The following NUBP1 variants were observed in gnomAD, a reference collection of about 807,000 sequenced individuals.
NUBP1 encodes the protein cytosolic Fe-S cluster assembly factor NUBP1.
A neutral mutation model predicts 41.8 loss-of-function variants in NUBP1; 46 were observed. That is an observed-to-expected ratio of 1.10 (90% confidence interval 0.87 to 1.41). The LOEUF is 1.41. NUBP1 is among the 40% of genes most tolerant of loss of function. The pLI is 0.00. For missense variants in NUBP1, 494 were observed against 414.0 expected (o/e 1.19, Z -1.68); for synonymous variants, 189 against 154.6 (o/e 1.22, Z -1.65).
At position 10,749,088 on chromosome 16, in the gene NUBP1, TA is replaced by T. The variant is rs1186301797; in HGVS notation, c.258+1824del. 2.3e-3 allele frequency among the ~76,000 whole-genome samples: 301 copies of T among 132,848 alleles called. No individual in the cohort carries two copies. Among genetic ancestry groups the T allele is most frequent in the Admixed American group, 2.6e-3 (34 of 13,216 alleles). 87.2% of individuals were successfully genotyped at this position (132,848 alleles called of 152,430 possible). A position where few individuals can be genotyped will look rare whatever the true frequency, so the allele number is the denominator to read the frequency against. On this transcript the variant is annotated intron_variant, in intron 3 of 10. Transcript: ENST00000283027. This position sits in a 1 kb window ranked among gnomAD's most constrained non-coding sequence, Gnocchi z 4.1. Reference sequence around the variant, plus strand: ...CCTGGGTGACAGACAAGACTCCATTTAAAAAAAAAAAAGGATATAGATAGAT... The same window carrying T: ...CCTGGGTGACAGACAAGACTCCATTTAAAAAAAAAAAGGATATAGATAGAT...
intron 2 of NUBP1, 61 bp downstream of exon 2, chr16:10,744,126 G>A (rs1596447134): frequency 7.7e-7 from 1 of 1,298,178 alleles, no homozygotes; most frequent in South Asian, 1.4e-5. Flanking sequence ...AAGGCGGGGC[G>A]TGGGAGGGAG....
At chr16:10,744,556 TG>T (rs1176237097) in intron 2 of NUBP1, among the ~76,000 whole-genome samples, 1 of 152,090 alleles carries the variant, frequency 6.6e-6, no homozygotes, top group Non-Finnish European at 1.5e-5. Flanking sequence ...GGTGCTGTCC[TG>T]GGGACACAGC....
In NUBP1 at chr16:10,767,416, C is replaced by G. The variant is rs1252558664; in HGVS notation, c.821-533C>G. ...ATAAAATTATACACAGACAAAGCAG[C>G]AGGCAGAATGTGTGTGTCATGTGCT... On this transcript the variant is annotated intron_variant, in intron 9 of 10. Coordinates refer to ENST00000283027, the MANE Select transcript of NUBP1 (RefSeq NM_002484.4). The surrounding 1 kb of genome is among the most constrained non-coding windows in gnomAD (Gnocchi z 4.6). 2.5e-6 allele frequency: 1 copy of G among 399,912 alleles called. No individual in the cohort carries two copies. The highest frequency in any genetic ancestry group is 4.4e-5 in the Admixed American group (1 of 22,964). The allele number at this position is 399,912 out of a possible 1,614,324, so 24.8% of individuals were successfully genotyped here.
At chr16:10,753,290 C>A (rs935608283) in intron 4 of NUBP1, among the ~76,000 whole-genome samples, 5 of 152,150 alleles carry the variant, frequency 3.3e-5, no homozygotes, top group Admixed American at 3.3e-4. Context: ...AAGTAAGACA[C>A]GGAAATTTAG....
rs531871311 is a variant in NUBP1, at chr16:10,757,409, T to C, written c.452-464T>C. 3.3e-5 allele frequency among the ~76,000 whole-genome samples: 5 copies of C among 152,242 alleles called. 1 individual carries two copies. Among genetic ancestry groups the C allele is most frequent in the African/African-American group, 1.2e-4 (5 of 41,538 alleles). On this transcript the variant is annotated intron_variant, in intron 6 of 10. Transcript: ENST00000283027. The surrounding 1 kb of genome is among the most constrained non-coding windows in gnomAD (Gnocchi z 4.1). ...CTGGTACTGAGACTTAAGGTAATAA[T>C]GTGAAAGTGTTATCAGGGCAAGCTT...
In NUBP1 at chr16:10,765,111, T is replaced by C. The variant is rs941275073; in HGVS notation, c.821-2838T>C. ...TCAACACAAACGTGGTGGTGGATTT[T>C]GGAGCATGGCAGCTGCTGCCAGAGA... On this transcript the variant is annotated intron_variant, in intron 9 of 10. Transcript: ENST00000283027. This position sits in a 1 kb window ranked among gnomAD's most constrained non-coding sequence, Gnocchi z 4.0. 1 of 153,382 alleles carries C rather than the reference T, an allele frequency of 6.5e-6. No individual in the cohort carries two copies. Among genetic ancestry groups the C allele is most frequent in the African/African-American group, 2.4e-5 (1 of 41,466 alleles). The allele number at this position is 153,382 out of a possible 1,614,324, so 9.5% of individuals were successfully genotyped here.
chr16:10,764,032 A>C (rs1239992451), intron 9 of NUBP1, among the ~76,000 whole-genome samples: 2 of 152,026 alleles, frequency 1.3e-5, no homozygotes, highest in African/African-American at 4.8e-5. Flanking sequence ...ACCTCAGCCC[A>C]TGGGAGCATC....
intron 7 of NUBP1, 83 bp downstream of exon 7, chr16:10,758,110 G>C: frequency 3.4e-6 from 5 of 1,490,130 alleles, no homozygotes; most frequent in Non-Finnish European, 4.6e-6. Context: ...TGATACTCTG[G>C]TCTCACCAAG....
chr16:10,757,868 T>G lies in NUBP1; in HGVS notation c.452-5T>G. 1 of 1,612,442 alleles carries G rather than the reference T, an allele frequency of 6.2e-7. No individual in the cohort carries two copies. The highest frequency in any genetic ancestry group is 8.5e-7 in the Non-Finnish European group (1 of 1,178,738). On this transcript the variant is annotated splice_polypyrimidine_tract_variant and splice_region_variant and intron_variant, in intron 6 of 10. Coordinates refer to ENST00000283027, the MANE Select transcript of NUBP1 (RefSeq NM_002484.4). This position sits in a 1 kb window ranked among gnomAD's most constrained non-coding sequence, Gnocchi z 4.1. ...TAAGCATCCCCTGTGGATTCCTCTT[T>G]CTAGGCATGATCAAGCAGTTCCTCC...
rs1042262266 is a variant in NUBP1, at chr16:10,756,272, G to A, written c.361-418G>A. 7.9e-5 allele frequency among the ~76,000 whole-genome samples: 12 copies of A among 152,112 alleles called. 1 individual carries two copies. The highest frequency in any genetic ancestry group is 1.5e-4 in the Non-Finnish European group (10 of 68,032). On this transcript the variant is annotated intron_variant, in intron 5 of 10. Coordinates refer to ENST00000283027, the MANE Select transcript of NUBP1 (RefSeq NM_002484.4). ...CACGCGCCTGTAACACTGGCTACTC[G>A]GGAGGCTGAGGCAGGAGAATTGCTT...
In NUBP1 at chr16:10,766,401, G is replaced by C. The variant is rs991234985; in HGVS notation, c.821-1548G>C. Among the ~76,000 whole-genome samples, 1 of 152,192 alleles carries C rather than the reference G, an allele frequency of 6.6e-6. No homozygotes were observed. Among genetic ancestry groups the C allele is most frequent in the Non-Finnish European group, 1.5e-5 (1 of 68,038 alleles). ...TTCTTGGAGAGGTGGGAGCCCAGGG[G>C]GAAATGCAGTTAGGAAGGGAAAACA... On this transcript the variant is annotated intron_variant, in intron 9 of 10. Coordinates refer to ENST00000283027, the MANE Select transcript of NUBP1 (RefSeq NM_002484.4). The surrounding 1 kb of genome is among the most constrained non-coding windows in gnomAD (Gnocchi z 4.8).
chr16:10,768,374 A>C lies in NUBP1; in HGVS notation c.904+342A>C, dbSNP rs8054049. The C allele has an allele frequency of 0.25, 44,482 of 178,922 alleles. 5,961 individuals are homozygous for C. Among genetic ancestry groups the C allele is most frequent in the South Asian group, 0.32 (2,580 of 8,096 alleles). 11.1% of individuals were successfully genotyped at this position (178,922 alleles called of 1,614,324 possible). A position where few individuals can be genotyped will look rare whatever the true frequency, so the allele number is the denominator to read the frequency against. ...TCCCAGCACTTTGGGTGAAGGAGGC[A>C]GGCAGATCACTTGAGGCTGGTCAGG... On this transcript the variant is annotated intron_variant, in intron 10 of 10. Transcript: ENST00000283027. The surrounding 1 kb of genome is among the most constrained non-coding windows in gnomAD (Gnocchi z 4.3).
At chr16:10,755,876 T>A in intron 5 of NUBP1, 123 bp downstream of exon 5, 1 of 856,556 alleles carries the variant, frequency 1.2e-6, no homozygotes, top group Non-Finnish European at 1.9e-6. Flanking sequence ...GAGGATGTGA[T>A]TAAAACCAGT....
intron 3 of NUBP1, among the ~76,000 whole-genome samples, chr16:10,747,779 G>A (rs1034799700): frequency 6.6e-6 from 1 of 152,208 alleles, no homozygotes; most frequent in Non-Finnish European, 1.5e-5. Flanking sequence ...ATGTACATCT[G>A]TCCTTGCATG....
At position 10,768,807 on chromosome 16, in the gene NUBP1, C is replaced by T; in HGVS notation, c.905-240C>T. On this transcript the variant is annotated intron_variant, in intron 10 of 10. Transcript: ENST00000283027. The surrounding 1 kb of genome is among the most constrained non-coding windows in gnomAD (Gnocchi z 4.3). ...GTCAAGGGTAAGGAAACAGCATTCC[C>T]AGAATCCTCCATCTATAGATGGTCC... is the stretch of plus-strand genomic sequence containing the variant. 1 of 428,194 alleles carries T rather than the reference C, an allele frequency of 2.3e-6. No homozygotes were observed. Among genetic ancestry groups the T allele is most frequent in the Non-Finnish European group, 4.1e-6 (1 of 241,876 alleles). 26.5% of individuals were successfully genotyped at this position (428,194 alleles called of 1,614,324 possible).
At chr16:10,748,137 G>A (rs894862412) in intron 3 of NUBP1, among the ~76,000 whole-genome samples, 9 of 152,198 alleles carry the variant, frequency 5.9e-5, no homozygotes, top group Admixed American at 5.2e-4. Flanking sequence ...TTTTTGTAGA[G>A]ATGAGGTTTT....
intron 9 of NUBP1, among the ~76,000 whole-genome samples, chr16:10,762,996 C>T (rs1236150630): frequency 1.3e-5 from 2 of 151,972 alleles, no homozygotes; most frequent in Non-Finnish European, 2.9e-5. Flanking sequence ...CAGGATGAGG[C>T]CCTGGGTTCT....
In NUBP1 at chr16:10,767,480, G is replaced by C. The variant is rs1025848282; in HGVS notation, c.821-469G>C. The C allele has an allele frequency of 3.2e-5, 13 of 411,362 alleles. No individual in the cohort carries two copies. In the South Asian group the frequency reaches 6.6e-4, roughly 21 times the overall value. 25.5% of individuals were successfully genotyped at this position (411,362 alleles called of 1,614,324 possible). A position where few individuals can be genotyped will look rare whatever the true frequency, so the allele number is the denominator to read the frequency against. ...TAGGTATATGAGAGTGTGTGTATGT[G>C]TGTGCGCACACATGCAAGTGTGCAC... On this transcript the variant is annotated intron_variant, in intron 9 of 10. Transcript: ENST00000283027. This position sits in a 1 kb window ranked among gnomAD's most constrained non-coding sequence, Gnocchi z 4.6.
At chr16:10,744,925 T>G (rs1345113080) in intron 2 of NUBP1, among the ~76,000 whole-genome samples, 1 of 151,772 alleles carries the variant, frequency 6.6e-6, no homozygotes, top group Admixed American at 6.6e-5. Context: ...GGCTGGCTAA[T>G]TTTTATATTT....
Sources: gnomAD v4.1 joint callset for allele counts (sites outside exome capture counted in the v4.1 genomes callset) on GRCh38, gnomAD v4.1.1 for gene constraint, Gnocchi (gnomAD v3.1) non-coding constraint, MANE v1.5 for transcripts, NCBI Gene and HGNC (gene_info 2026-07-23, HGNC 2026-07-21) for gene names.